The following PAK4 variants were observed in gnomAD, a reference collection of about 807,000 sequenced individuals.
The protein encoded by PAK4 is serine/threonine-protein kinase PAK 4.
In PAK4, 49 loss-of-function variants were observed where a neutral mutation model predicts 53.5. The ratio of observed to expected loss-of-function variants is 0.92; its 90% CI spans 0.73 to 1.16. PAK4 has a LOEUF of 1.16. Among genes scored for constraint, PAK4 ranks in the 50% most tolerant of loss-of-function variants. The pLI, the probability that PAK4 is intolerant of heterozygous loss-of-function variation, is 0.00. For missense variants in PAK4, 824 were observed against 850.7 expected, an observed-to-expected ratio of 0.97 and a Z score of 0.39; for synonymous variants, 376 against 375.6, an observed-to-expected ratio of 1.00 and a Z score of -0.01.
intron 1 of PAK4, among the ~76,000 whole-genome samples, chr19:39,165,042 TG>T (rs1026406732): frequency 2.6e-5 from 4 of 151,300 alleles, no homozygotes; most frequent in African/African-American, 9.7e-5. Context: ...CCACTACCCG[TG>T]GGGTCCAGGA....
chr19:39,158,983 C>G (rs1394343958), intron 1 of PAK4, among the ~76,000 whole-genome samples: 1 of 152,196 alleles, frequency 6.6e-6, no homozygotes, highest in Non-Finnish European at 1.5e-5. Context: ...AGCAGCGAGC[C>G]TGCAGTGAGG....
rs559171888 is a variant in PAK4, at chr19:39,135,324, C to CTTTTT, written c.-23+9430_-23+9434dup. ...TGTGGACAGGAGTCAAGTGCTTATT[C>CTTTTT]TTTTTTTTTTTTTTTTTTTTTTTTT... is the stretch of plus-strand genomic sequence containing the variant. On this transcript the variant is annotated intron_variant, in intron 1 of 8. Coordinates refer to ENST00000358301, the Ensembl canonical transcript of PAK4. 26 of 88,366 alleles carry CTTTTT rather than the reference C, an allele frequency of 2.9e-4. 1 individual carries two copies. Among genetic ancestry groups the CTTTTT allele is most frequent in the African/African-American group, 6.4e-4 (13 of 20,432 alleles). The allele number at this position is 88,366 out of a possible 1,614,324, so 5.5% of individuals were successfully genotyped here. A position where few individuals can be genotyped will look rare whatever the true frequency, so the allele number is the denominator to read the frequency against.
intron 1 of PAK4, among the ~76,000 whole-genome samples, chr19:39,135,559 T>G (rs1430451371): frequency 4.6e-5 from 7 of 151,940 alleles, no homozygotes; most frequent in African/African-American, 1.7e-4. Flanking sequence ...GGTCTCAAAC[T>G]CCTGACTTCA....
chr19:39,139,594 C>T (rs992978160), intron 1 of PAK4, among the ~76,000 whole-genome samples: 2 of 152,188 alleles, frequency 1.3e-5, no homozygotes, highest in Admixed American at 6.5e-5. Flanking sequence ...GAAGGTGAGC[C>T]AGAGAGGGCC....
rs2074665120 is a variant in PAK4 at position 39,178,903 on chromosome 19, G to A, written c.*324G>A. The A allele has an allele frequency of 3.1e-6, 1 of 323,032 alleles. No homozygotes were observed. Among genetic ancestry groups the A allele is most frequent in the Non-Finnish European group, 5.7e-6 (1 of 174,218 alleles). 20.0% of individuals were successfully genotyped at this position (323,032 alleles called of 1,614,324 possible). ...AAGTCTGCAGTGGGGGTCGCTGGGG[G>A]TGGAGAGAACACTAAGAGGTGAACA... On this transcript the variant is annotated 3_prime_UTR_variant, in exon 9 of 9. Coordinates refer to ENST00000358301, the Ensembl canonical transcript of PAK4. This position sits in a 1 kb window ranked among gnomAD's most constrained non-coding sequence, Gnocchi z 4.4.
chr19:39,144,096 GTAGA>G (rs74176490), intron 1 of PAK4, among the ~76,000 whole-genome samples: 2,761 of 148,162 alleles, frequency 0.019, 54 homozygotes, highest in African/African-American at 0.039. Flanking sequence ...CCTATCTCAG[GTAGA>G]TAGATAGATA....
chr19:39,152,337 A>G (rs2074106365), intron 1 of PAK4: 1 of 152,012 alleles, frequency 6.6e-6, no homozygotes, highest in South Asian at 2.1e-4. Flanking sequence ...GTGGCTACTC[A>G]GTAGCTTTCT....
At chr19:39,174,611 C>T (rs1290554406) in intron 4 of PAK4, among the ~76,000 whole-genome samples, 3 of 152,162 alleles carry the variant, frequency 2.0e-5, no homozygotes, top group South Asian at 2.1e-4. Context: ...CCGACACACG[C>T]CTCTTCTCTC....
At chr19:39,137,286 C>T (rs1343941607) in intron 1 of PAK4, among the ~76,000 whole-genome samples, 1 of 152,146 alleles carries the variant, frequency 6.6e-6, no homozygotes, top group Non-Finnish European at 1.5e-5. Flanking sequence ...GGCACCCCTG[C>T]TTGGAGGCAG....
chr19:39,130,678 A>T (rs536417310), intron 1 of PAK4, among the ~76,000 whole-genome samples: 243 of 152,062 alleles, frequency 1.6e-3, no homozygotes, highest in African/African-American at 5.3e-3. Context: ...ATAAATAAAT[A>T]AAAAAGCAAA....
intron 1 of PAK4, among the ~76,000 whole-genome samples, chr19:39,153,025 G>A (rs1382694500): frequency 6.6e-6 from 1 of 152,088 alleles, no homozygotes; most frequent in Non-Finnish European, 1.5e-5. Context: ...ATCTCCCTCA[G>A]CTACCGAGGG....
intron 1 of PAK4, among the ~76,000 whole-genome samples, chr19:39,135,722 TC>T (rs2073800300): frequency 6.6e-6 from 1 of 151,858 alleles, no homozygotes; most frequent in South Asian, 2.1e-4. Flanking sequence ...CCGAGCTCAG[TC>T]CAGTGGGAAC....
In PAK4 at chr19:39,161,230, C is replaced by G. The variant is rs2074279172; in HGVS notation, c.-22-8302C>G. ...CAGCCATCATGAACCAAAACGCGGT[C>G]CCTGTCCATATGAGTCACTGACTTA... On this transcript the variant is annotated intron_variant, in intron 1 of 8. Transcript: ENST00000358301. The surrounding 1 kb of genome is among the most constrained non-coding windows in gnomAD (Gnocchi z 4.5). 6.6e-6 allele frequency among the ~76,000 whole-genome samples: 1 copy of G among 152,238 alleles called. No homozygotes were observed. The highest frequency in any genetic ancestry group is 2.4e-5 in the African/African-American group (1 of 41,466).
chr19:39,177,716 G>A, exon 8 of PAK4: 1 of 1,613,606 alleles, frequency 6.2e-7, no homozygotes, highest in Non-Finnish European at 8.5e-7. Context: ...TTGAGATGGT[G>A]GACGGAGAGC....
At chr19:39,128,102 T>C (rs1027380150) in intron 1 of PAK4, among the ~76,000 whole-genome samples, 1 of 152,128 alleles carries the variant, frequency 6.6e-6, no homozygotes, top group Non-Finnish European at 1.5e-5. Context: ...AGATGCCTGG[T>C]ACACACCCCT....
chr19:39,133,558 T>A (rs2073753852), intron 1 of PAK4, among the ~76,000 whole-genome samples: 2 of 152,156 alleles, frequency 1.3e-5, no homozygotes, highest in South Asian at 4.1e-4. Context: ...CCGCTTCCCC[T>A]GCTACCCGGG....
At chr19:39,148,406 A>G (rs1273248990) in intron 1 of PAK4, among the ~76,000 whole-genome samples, 1 of 138,536 alleles carries the variant, frequency 7.2e-6, no homozygotes, top group Non-Finnish European at 1.5e-5. Flanking sequence ...TGGATTGTGC[A>G]TTTGCTGTCA....
At chr19:39,132,107 G>GC (rs2073723742) in intron 1 of PAK4, among the ~76,000 whole-genome samples, 1 of 152,226 alleles carries the variant, frequency 6.6e-6, no homozygotes, top group South Asian at 2.1e-4. Flanking sequence ...CACGTGCCAG[G>GC]CACGCGTGTG....
At chr19:39,171,444 G>A (rs887715694) in intron 2 of PAK4, among the ~76,000 whole-genome samples, 4 of 152,172 alleles carry the variant, frequency 2.6e-5, no homozygotes, top group Admixed American at 2.0e-4. Flanking sequence ...CCTGACCTCA[G>A]GTGATCCTCA....
Sources: gnomAD v4.1 joint callset for allele counts (sites outside exome capture counted in the v4.1 genomes callset) on GRCh38, gnomAD v4.1.1 for gene constraint, Gnocchi (gnomAD v3.1) non-coding constraint, MANE v1.5 for transcripts, NCBI Gene and HGNC (gene_info 2026-07-23, HGNC 2026-07-21) for gene names.